Variants in TMEM164 observed in about 807,000 individuals in gnomAD.
TMEM164 encodes transmembrane protein 164, also known as RP13-360B22.2.
A neutral mutation model predicts 18.8 loss-of-function variants in TMEM164; 4 were observed. That is an observed-to-expected ratio of 0.21 (90% confidence interval 0.10 to 0.49). The LOEUF (loss-of-function observed/expected upper bound fraction) is 0.49, where lower values mean the gene tolerates loss of function less well. Ranked by LOEUF, TMEM164 falls within the 20% of genes least tolerant of loss-of-function variation. TMEM164 has a pLI of 0.98. For missense variants in TMEM164, 108 were observed against 239.9 expected (o/e 0.45, Z 3.63); for synonymous variants, 86 against 101.7 (o/e 0.85, Z 0.93).
intron 2 of TMEM164, among the ~76,000 whole-genome samples, chrX:110,067,012 C>G (rs1427766688): frequency 9.0e-6 from 1 of 111,520 alleles, no homozygotes; most frequent in African/African-American, 3.3e-5. Context: ...AACCAGATGG[C>G]ATGGTGTGTG....
downstream of TMEM164, among the ~76,000 whole-genome samples, chrX:110,183,106 C>T (rs958153144): frequency 1.8e-5 from 2 of 112,183 alleles, no homozygotes; most frequent in Admixed American, 9.4e-5. Flanking sequence ...GAGATCTAGT[C>T]GTGTACCCAG....
intron 2 of TMEM164, among the ~76,000 whole-genome samples, chrX:110,023,985 C>A (rs1934056765): frequency 8.9e-6 from 1 of 111,979 alleles, no homozygotes; most frequent in Non-Finnish European, 1.9e-5. Context: ...CCCTTCCCTT[C>A]TCTGAGATTC....
intron 3 of TMEM164, among the ~76,000 whole-genome samples, chrX:110,090,776 G>C (rs1247681894): frequency 9.0e-6 from 1 of 111,098 alleles, no homozygotes; most frequent in African/African-American, 3.3e-5. Flanking sequence ...TGTTACATAT[G>C]TATACATGTG....
intron 4 of TMEM164, among the ~76,000 whole-genome samples, chrX:110,144,273 A>C (rs1288062551): frequency 9.0e-6 from 1 of 111,655 alleles, no homozygotes; most frequent in Non-Finnish European, 1.9e-5. Context: ...TCTACTCCAT[A>C]TATTCTTCAT....
chrX:110,100,728 C>T (rs1342489592), intron 3 of TMEM164, among the ~76,000 whole-genome samples: 3 of 110,236 alleles, frequency 2.7e-5, no homozygotes, highest in Admixed American at 9.7e-5. Flanking sequence ...CCCACCACCT[C>T]GCCTGGCTAA....
chrX:110,032,591 T>C (rs1025279300), intron 2 of TMEM164, among the ~76,000 whole-genome samples: 4 of 112,276 alleles, frequency 3.6e-5, no homozygotes, highest in African/African-American at 9.7e-5. Flanking sequence ...CTTAGTTACC[T>C]GATGCAGGGA....
intron 3 of TMEM164, among the ~76,000 whole-genome samples, chrX:110,107,494 C>G (rs1420528407): frequency 8.9e-6 from 1 of 111,955 alleles, no homozygotes; most frequent in Non-Finnish European, 1.9e-5. Flanking sequence ...TAAGTGCATA[C>G]CATCGCTATT....
chrX:110,180,369 TAC>T (rs1347202923), downstream of TMEM164, among the ~76,000 whole-genome samples: 1 of 112,358 alleles, frequency 8.9e-6, no homozygotes, highest in Non-Finnish European at 1.9e-5. Flanking sequence ...GGAACAGAAA[TAC>T]ACAGATGTCA....
At chrX:110,112,656 T>C (rs2066306714) in intron 4 of TMEM164, among the ~76,000 whole-genome samples, 1 of 112,322 alleles carries the variant, frequency 8.9e-6, no homozygotes, top group Non-Finnish European at 1.9e-5. Flanking sequence ...CAAGGTACTG[T>C]TATTCCCAAG....
At chrX:110,143,711 C>T (rs761389870) in intron 4 of TMEM164, among the ~76,000 whole-genome samples, 43 of 110,426 alleles carry the variant, frequency 3.9e-4, no homozygotes, top group African/African-American at 1.4e-3. Flanking sequence ...CTCTCATTAG[C>T]AGACAGTCTT....
chrX:110,086,054 C>G (rs1040569756), intron 3 of TMEM164, among the ~76,000 whole-genome samples: 1 of 112,157 alleles, frequency 8.9e-6, no homozygotes, highest in Admixed American at 9.5e-5. Flanking sequence ...TGGGCTGCTG[C>G]ATGAATTGGC....
chrX:110,155,609 G>T (rs2067005496), intron 5 of TMEM164, among the ~76,000 whole-genome samples: 1 of 111,192 alleles, frequency 9.0e-6, no homozygotes, highest in African/African-American at 3.3e-5. Context: ...CTGTCCGACT[G>T]TGGGCTCTCA....
At position 110,030,108 on chromosome X, in the gene TMEM164, GTTTTTTTTTT is replaced by G. The variant is rs34803907; in HGVS notation, c.390+25964_390+25973del. ...TTTTTCTCTCTCTTTTTCTCTGTCTGTTTTTTTTTTTTTTTTTTTTTTTTTTTTTGAGGCT... is the reference window on the plus strand; with the variant it reads ...TTTTTCTCTCTCTTTTTCTCTGTCTGTTTTTTTTTTTTTTTTTTTGAGGCT... On this transcript the variant is annotated intron_variant, in intron 2 of 6. Coordinates refer to ENST00000372068, the MANE Select transcript of TMEM164 (RefSeq NM_032227.4). Among the ~76,000 whole-genome samples the G allele has an allele frequency of 3.0e-4, 8 of 26,998 alleles. No homozygotes were observed. In the Admixed American group the frequency reaches 3.6e-3, roughly 12 times the overall value. The allele number at this position is 26,998 out of a possible 115,157, so 23.4% of individuals were successfully genotyped here.
chrX:110,135,334 G>C (rs775499543), intron 4 of TMEM164, among the ~76,000 whole-genome samples: 6 of 111,747 alleles, frequency 5.4e-5, no homozygotes, highest in Non-Finnish European at 1.1e-4. Context: ...AAAAGGTGGA[G>C]TAATACATCT....
At chrX:110,108,747 G>A (rs181542051) in intron 3 of TMEM164, among the ~76,000 whole-genome samples, 12 of 111,790 alleles carry the variant, frequency 1.1e-4, no homozygotes, top group Non-Finnish European at 2.1e-4. Flanking sequence ...TTCTAATGCC[G>A]CCCAAGCTGT....
chrX:110,152,719 C>A (rs2066961461), intron 5 of TMEM164, among the ~76,000 whole-genome samples: 1 of 110,967 alleles, frequency 9.0e-6, no homozygotes, highest in Admixed American at 9.6e-5. Context: ...TCAGACTCAT[C>A]CTCTCCTTAC....
At chrX:110,171,271 AG>A in intron 5 of TMEM164, 148 bp from the exon 6 acceptor site, 1 of 471,672 alleles carries the variant, frequency 2.1e-6, no homozygotes. Context: ...CCAGCTAATC[AG>A]TGGGGCTGTC....
chrX:110,157,913 G>A (rs2067039489), intron 5 of TMEM164, among the ~76,000 whole-genome samples: 1 of 111,061 alleles, frequency 9.0e-6, no homozygotes, highest in Non-Finnish European at 1.9e-5. Flanking sequence ...ATGAGATGGA[G>A]TCTCATCCTG....
Position 110,173,918 on chromosome X carries a change from GA to G in TMEM164, c.*468del, listed in dbSNP as rs1349668218. 1 of 120,164 alleles carries G rather than the reference GA, an allele frequency of 8.3e-6. No homozygotes were observed. Among genetic ancestry groups the G allele is most frequent in the Non-Finnish European group, 1.7e-5 (1 of 58,993 alleles). The allele number at this position is 120,164 out of a possible 1,213,427, so 9.9% of individuals were successfully genotyped here. ...CTCCAGCACAGCCCTTACCACGGGG[GA>G]CTGAGGCCTTGTTTCTATACCAGCG... On this transcript the variant is annotated 3_prime_UTR_variant, in exon 7 of 7. Transcript: ENST00000372068.
Sources: gnomAD v4.1 joint callset for allele counts (sites outside exome capture counted in the v4.1 genomes callset) on GRCh38, gnomAD v4.1.1 for gene constraint, MANE v1.5 for transcripts, NCBI Gene and HGNC (gene_info 2026-07-23, HGNC 2026-07-21) for gene names.